MOB3B: variants seen among roughly 807,000 people sequenced by gnomAD.
The protein encoded by MOB3B is MOB kinase activator 3B.
In MOB3B, 7 loss-of-function variants were observed where a neutral mutation model predicts 18.7. The ratio of observed to expected loss-of-function variants is 0.37; its 90% confidence interval spans 0.21 to 0.70. The LOEUF is 0.70. MOB3B is among the 30% of genes least tolerant of loss of function. The pLI, the probability that MOB3B is intolerant of heterozygous loss-of-function variation, is 0.52. For missense variants in MOB3B, 253 were observed against 281.3 expected, an observed-to-expected ratio of 0.90 and a Z score of 0.72; for synonymous variants, 111 against 99.9, an observed-to-expected ratio of 1.11 and a Z score of -0.66.
At chr9:27,523,042 TTCAA>T (rs1366392846) in intron 1 of MOB3B, among the ~76,000 whole-genome samples, 5 of 152,208 alleles carry the variant, frequency 3.3e-5, no homozygotes, top group African/African-American at 1.2e-4. Flanking sequence ...AAGCCAACTT[TTCAA>T]TCAAAGTCTG....
intron 2 of MOB3B, among the ~76,000 whole-genome samples, chr9:27,437,917 G>C (rs1259367295): frequency 6.6e-6 from 1 of 152,186 alleles, no homozygotes; most frequent in Non-Finnish European, 1.5e-5. Flanking sequence ...ACACCCAAAA[G>C]CTATGAAAGC....
chr9:27,378,330 G>T (rs1343358602), intron 2 of MOB3B: 1 of 471,002 alleles, frequency 2.1e-6, no homozygotes, highest in Non-Finnish European at 4.4e-6. Flanking sequence ...ATCTGGACAT[G>T]GGTAAAAAGG....
chr9:27,385,449 A>G (rs1052285690), intron 2 of MOB3B, among the ~76,000 whole-genome samples: 3 of 152,068 alleles, frequency 2.0e-5, no homozygotes, highest in Non-Finnish European at 2.9e-5. Flanking sequence ...AAAGGTGCCT[A>G]AGGGGCCTTG....
intron 1 of MOB3B, among the ~76,000 whole-genome samples, chr9:27,476,028 A>G (rs1477570894): frequency 3.9e-5 from 6 of 152,118 alleles, no homozygotes; most frequent in South Asian, 2.1e-4. Flanking sequence ...ATAAAAACAA[A>G]TGTTGCTATA....
intron 2 of MOB3B, among the ~76,000 whole-genome samples, chr9:27,411,586 C>T (rs1262993513): frequency 6.6e-6 from 1 of 152,162 alleles, no homozygotes; most frequent in Non-Finnish European, 1.5e-5. Flanking sequence ...TGAGGCACTA[C>T]CACGTCTTCT....
At chr9:27,457,175 T>C (rs1819189036) in intron 1 of MOB3B, among the ~76,000 whole-genome samples, 1 of 152,278 alleles carries the variant, frequency 6.6e-6, no homozygotes, top group African/African-American at 2.4e-5. Context: ...GGACTTCGAC[T>C]TGTCTTTCCT....
intron 2 of MOB3B, among the ~76,000 whole-genome samples, chr9:27,364,350 G>A (rs1350863137): frequency 1.3e-5 from 2 of 149,966 alleles, no homozygotes; most frequent in Non-Finnish European, 2.9e-5. Flanking sequence ...TCCCCATTAT[G>A]TGTTTTAAAA....
chr9:27,463,549 T>C (rs1033153453), intron 1 of MOB3B, among the ~76,000 whole-genome samples: 1 of 152,198 alleles, frequency 6.6e-6, no homozygotes, highest in Non-Finnish European at 1.5e-5. Flanking sequence ...AGAAGAGATC[T>C]ATTTCTGGAA....
rs115065578 is a variant in MOB3B, at chr9:27,394,735, C to T, written c.419-35499G>A. Among the ~76,000 whole-genome samples, 918 of 152,244 alleles carry T rather than the reference C, an allele frequency of 6.0e-3. 7 individuals carry two copies. The highest frequency in any genetic ancestry group is 0.022 in the African/African-American group (896 of 41,532). On this transcript the variant is annotated intron_variant, in intron 2 of 3. Coordinates refer to ENST00000262244, the MANE Select transcript of MOB3B (RefSeq NM_024761.5). ...GAGAAGTAATTAACTTTAGATTAAC[C>T]ACAGCATAGCAGGCATTCTTCTTAA...
intron 2 of MOB3B, among the ~76,000 whole-genome samples, chr9:27,381,209 G>A (rs1432997243): frequency 6.6e-6 from 1 of 152,058 alleles, no homozygotes; most frequent in Admixed American, 6.6e-5. Context: ...AATTACACTT[G>A]ACAAAATTAA....
intron 1 of MOB3B, among the ~76,000 whole-genome samples, chr9:27,497,790 C>T (rs1053119393): frequency 1.3e-5 from 2 of 152,148 alleles, no homozygotes; most frequent in Non-Finnish European, 2.9e-5. Context: ...TAACTTACCA[C>T]ATACATTTGG....
Position 27,445,142 on chromosome 9 carries a change from G to GT in MOB3B, c.418+9990dup, listed in dbSNP as rs1202101421. On this transcript the variant is annotated intron_variant, in intron 2 of 3. Transcript: ENST00000262244. The stretch of plus-strand genomic sequence containing the variant: ...CAGTAAAAGCTGTAATAAATCAGAG[G>GT]TTTTTCCTTTTTATATCACTTTGAA... Among the ~76,000 whole-genome samples, 5 of 152,082 alleles carry GT rather than the reference G, an allele frequency of 3.3e-5. No homozygotes were observed. In the East Asian group the frequency reaches 9.6e-4, roughly 29 times the overall value.
intron 3 of MOB3B, among the ~76,000 whole-genome samples, chr9:27,339,118 G>A (rs950754837): frequency 2.0e-5 from 3 of 152,176 alleles, no homozygotes; most frequent in Non-Finnish European, 4.4e-5. Flanking sequence ...AGGGGACTTC[G>A]TTCTTGCCCT....
intron 2 of MOB3B, among the ~76,000 whole-genome samples, chr9:27,434,966 CTG>C (rs1822475535): frequency 6.6e-6 from 1 of 152,080 alleles, no homozygotes; most frequent in South Asian, 2.1e-4. Context: ...TTTTGAAAAA[CTG>C]TAGACACAGG....
At chr9:27,501,539 G>T (rs370361018) in intron 1 of MOB3B, among the ~76,000 whole-genome samples, 2 of 148,100 alleles carry the variant, frequency 1.4e-5, no homozygotes, top group East Asian at 2.0e-4. Flanking sequence ...TCATAGATGG[G>T]AACTGAACAA....
intron 1 of MOB3B, among the ~76,000 whole-genome samples, chr9:27,488,237 T>G (rs1482423592): frequency 6.6e-6 from 1 of 152,190 alleles, no homozygotes; most frequent in African/African-American, 2.4e-5. Context: ...TTCTTGCATT[T>G]AGCTCTAACT....
intron 2 of MOB3B, among the ~76,000 whole-genome samples, chr9:27,366,264 G>A (rs1457252151): frequency 3.3e-5 from 5 of 152,182 alleles, no homozygotes; most frequent in African/African-American, 7.2e-5. Flanking sequence ...GAGCTAAATC[G>A]AGTATGAAAC....
At chr9:27,450,952 T>C (rs1822774232) in intron 2 of MOB3B, among the ~76,000 whole-genome samples, 1 of 152,182 alleles carries the variant, frequency 6.6e-6, no homozygotes, top group African/African-American at 2.4e-5. Context: ...TCCCTTGCTT[T>C]CTTTGTTCTT....
At chr9:27,339,833 G>C (rs1330225409) in intron 3 of MOB3B, among the ~76,000 whole-genome samples, 1 of 152,240 alleles carries the variant, frequency 6.6e-6, no homozygotes, top group Non-Finnish European at 1.5e-5. Flanking sequence ...TGGGCCACGG[G>C]AGTAGGGACT....
Sources: allele counts gnomAD v4.1 joint callset (sites outside exome capture counted in the v4.1 genomes callset), GRCh38; gene constraint gnomAD v4.1.1; transcripts MANE v1.5; gene names NCBI Gene and HGNC (gene_info 2026-07-23, HGNC 2026-07-21).